The following TSNAXIP1 variants were observed in gnomAD, a reference collection of about 807,000 sequenced individuals.
TSNAXIP1 encodes translin associated factor X interacting protein 1, also known as translin-associated factor X-interacting protein 1.
In TSNAXIP1, 89 loss-of-function variants were observed where a neutral mutation model predicts 84.8. That is an observed-to-expected ratio of 1.05 (90% CI 0.88 to 1.25). The LOEUF (loss-of-function observed/expected upper bound fraction) is 1.25, where lower values mean the gene tolerates loss of function less well. Among genes scored for constraint, TSNAXIP1 ranks in the 50% most tolerant of loss-of-function variants. The pLI is 0.00. For synonymous variants in TSNAXIP1, 347 were observed against 335.2 expected (o/e 1.04, Z -0.39); for missense variants, 874 against 887.6 (o/e 0.98, Z 0.20).
chr16:67,814,960 T>G (rs1032620024), intron 2 of TSNAXIP1, among the ~76,000 whole-genome samples: 1 of 152,024 alleles, frequency 6.6e-6, no homozygotes. Context: ...TCCTCTTTTT[T>G]AAAGTTTGTA....
intron 2 of TSNAXIP1, among the ~76,000 whole-genome samples, chr16:67,815,377 G>GGGTGCAGT (rs1020755476): frequency 2.0e-5 from 3 of 150,570 alleles, no homozygotes; most frequent in South Asian, 4.2e-4. Context: ...TTGCCTGTCA[G>GGGTGCAGT]GGTGCAGTGG....
rs1162375778 is a variant in TSNAXIP1, at chr16:67,819,815, A to ATTTTTTTTTTTTT, written c.148-1014_148-1002dup. ...AGCACATGCCACCACACCTGGCTAA[A>ATTTTTTTTTTTTT]TTTTTTTTTTTTTTTTTTTTTTGAG... On this transcript the variant is annotated intron_variant, in intron 2 of 15. Coordinates refer to ENST00000561639, the MANE Select transcript of TSNAXIP1 (RefSeq NM_001288990.3). 2.7e-3 allele frequency among the ~76,000 whole-genome samples: 282 copies of ATTTTTTTTTTTTT among 102,606 alleles called. 13 individuals carry two copies. Among genetic ancestry groups the ATTTTTTTTTTTTT allele is most frequent in the African/African-American group, 4.9e-3 (116 of 23,816 alleles). The allele number at this position is 102,606 out of a possible 152,430, so 67.3% of individuals were successfully genotyped here. A position where few individuals can be genotyped will look rare whatever the true frequency, so the allele number is the denominator to read the frequency against.
intron 1 of TSNAXIP1, among the ~76,000 whole-genome samples, chr16:67,813,522 C>G (rs2151202018): frequency 6.6e-6 from 1 of 152,010 alleles, no homozygotes; most frequent in East Asian, 1.9e-4. Context: ...ATCATGAGGT[C>G]AGGAATTCAA....
chr16:67,816,408 C>A (rs1489354821), intron 2 of TSNAXIP1, among the ~76,000 whole-genome samples: 1 of 152,158 alleles, frequency 6.6e-6, no homozygotes, highest in Non-Finnish European at 1.5e-5. Flanking sequence ...CACAGTGGAA[C>A]AGCATGGGCT....
At chr16:67,816,621 G>C (rs571753417) in intron 2 of TSNAXIP1, among the ~76,000 whole-genome samples, 2 of 152,184 alleles carry the variant, frequency 1.3e-5, no homozygotes, top group South Asian at 4.1e-4. Flanking sequence ...TGAGGCTCCC[G>C]GGCACCCTTC....
At chr16:67,810,203 C>G (rs1161105854) in intron 1 of TSNAXIP1, among the ~76,000 whole-genome samples, 1 of 152,170 alleles carries the variant, frequency 6.6e-6, no homozygotes. Flanking sequence ...GGTTTCTCCT[C>G]CCTATCGGCT....
In TSNAXIP1 at chr16:67,826,208, G is replaced by A. The variant is rs750791558; in HGVS notation, c.1201G>A (p.Asp401Asn). ...GATGCTGGCTGAGGGCAAGAACAGCGACCAGCTGGTGGACGTGCTCCTGGA... is the reference window on the plus strand; with the variant it reads ...GATGCTGGCTGAGGGCAAGAACAGCAACCAGCTGGTGGACGTGCTCCTGGA... ...WQMLAEGKNS[D>N]QLVDVLLEEI... Residue 401 changes from aspartate (D) to asparagine (N), a missense_variant, in exon 10 of 16, where the codon GAC (aspartate) becomes AAC (asparagine). Asp to Asn is a conservative substitution (Grantham distance 23). Transcript: ENST00000561639. 3.7e-5 allele frequency: 60 copies of A among 1,609,092 alleles called. 1 individual carries two copies. Among genetic ancestry groups the A allele is most frequent in the South Asian group, 3.1e-4 (28 of 90,516 alleles).
Position 67,807,104 on chromosome 16 carries a change from C to A in TSNAXIP1, c.-46C>A, listed in dbSNP as rs1419493994. 1 of 1,532,188 alleles carries A rather than the reference C, an allele frequency of 6.5e-7. No individual in the cohort carries two copies. The highest frequency in any genetic ancestry group is 8.7e-7 in the Non-Finnish European group (1 of 1,145,498). 94.9% of individuals were successfully genotyped at this position (1,532,188 alleles called of 1,614,324 possible). ...CATGGCGACCGGCTGTACGCTACCA[C>A]AGCTTCCCAGGCCGCGGGTGCTGAT... On this transcript the variant is annotated 5_prime_UTR_variant, in exon 1 of 16. Coordinates refer to ENST00000561639, the MANE Select transcript of TSNAXIP1 (RefSeq NM_001288990.3).
chr16:67,819,780 T>C (rs1167165494), intron 2 of TSNAXIP1, among the ~76,000 whole-genome samples: 1 of 150,558 alleles, frequency 6.6e-6, no homozygotes, highest in African/African-American at 2.4e-5. Context: ...CCTGAGTAGC[T>C]GGGACTATAA....
chr16:67,825,254 T>A lies in TSNAXIP1; in HGVS notation c.796T>A (p.Ser266Thr), dbSNP rs768270359. The change falls in exon 7 of 16, where the codon TCA becomes ACA. Residue 266 changes from serine to threonine, a missense_variant. Coordinates refer to ENST00000561639, the MANE Select transcript of TSNAXIP1 (RefSeq NM_001288990.3). ...NELRYQREDM[S>T]LAQSPGIWGE... ...GCTGCGGTACCAGCGGGAGGACATG[T>A]CATTAGCCCAGTCGCCAGGTAAGCC... is the stretch of plus-strand genomic sequence containing the variant. 6.2e-7 allele frequency: 1 copy of A among 1,613,976 alleles called. No individual in the cohort carries two copies. Among genetic ancestry groups the A allele is most frequent in the Non-Finnish European group, 8.5e-7 (1 of 1,180,008 alleles).
rs777021288 is a variant in TSNAXIP1, at chr16:67,825,675, G to C, written c.823G>C (p.Gly275Arg). 1 of 1,611,984 alleles carries C rather than the reference G, an allele frequency of 6.2e-7. No individual in the cohort carries two copies. The highest frequency in any genetic ancestry group is 8.5e-7 in the Non-Finnish European group (1 of 1,178,424). ...MSLAQSPGIWGEDPVKLTLAL... is the reference protein window; with the variant it reads ...MSLAQSPGIWREDPVKLTLAL... ...GCCCCTTCCCCTGGCAGGCATCTGG[G>C]GGGAGGACCCTGTGAAGTTAACCCT... The change falls in exon 8 of 16, where the codon GGG (glycine) becomes CGG (arginine). Residue 275 changes from glycine to arginine, a missense_variant. Gly to Arg is a moderately radical substitution (Grantham distance 125, BLOSUM62 -2). Coordinates refer to ENST00000561639, the MANE Select transcript of TSNAXIP1 (RefSeq NM_001288990.3).
chr16:67,807,310 G>T (rs1180678335), intron 1 of TSNAXIP1, 114 bp downstream of exon 1: 2 of 1,534,408 alleles, frequency 1.3e-6, no homozygotes, highest in Non-Finnish European at 1.7e-6. Flanking sequence ...ATTGATCTAG[G>T]GCTCCAGCAC....
intron 5 of TSNAXIP1, 104 bp downstream of exon 5, chr16:67,823,823 C>T: frequency 2.2e-6 from 2 of 927,356 alleles, no homozygotes; most frequent in Non-Finnish European, 3.3e-6. Flanking sequence ...TTGAGACCAG[C>T]CTGGCCAACA....
chr16:67,817,688 T>C (rs1433591013), intron 2 of TSNAXIP1, among the ~76,000 whole-genome samples: 3 of 146,376 alleles, frequency 2.0e-5, no homozygotes, highest in Non-Finnish European at 4.5e-5. Context: ...GGTCAGGGGT[T>C]CAAGACCACC....
Position 67,828,005 on chromosome 16 carries a change from C to T in TSNAXIP1, c.*12C>T. The T allele has an allele frequency of 6.2e-7, 1 of 1,611,790 alleles. No individual in the cohort carries two copies. Among genetic ancestry groups the T allele is most frequent in the Non-Finnish European group, 8.5e-7 (1 of 1,179,300 alleles). On this transcript the variant is annotated 3_prime_UTR_variant, in exon 16 of 16. Coordinates refer to ENST00000561639, the MANE Select transcript of TSNAXIP1 (RefSeq NM_001288990.3). The stretch of plus-strand genomic sequence containing the variant: ...AGCCTGCAAGCTAGGAACTTGTGGG[C>T]AGCCTGCGTACTCCAGTCCTGCTAA...
Position 67,827,970 on chromosome 16 carries a change from C to T in TSNAXIP1, c.2116C>T (p.Arg706Ter), listed in dbSNP as rs375957094. Residue 706 changes from arginine (R) to a stop codon, truncating the protein, a stop_gained, in exon 16 of 16, where the codon CGA becomes TGA. Transcript: ENST00000561639. LOFTEE classifies it high-confidence loss of function. ...QVIDIRRVGP[R>*]EPEPAS is the part of the protein sequence containing the mutation. Reference sequence around the variant, plus strand: ...GATTGACATCAGGCGTGTGGGACCTCGAGAGCCAGAGCCTGCAAGCTAGGA... The same window carrying T: ...GATTGACATCAGGCGTGTGGGACCTTGAGAGCCAGAGCCTGCAAGCTAGGA... The T allele has an allele frequency of 2.1e-5, 34 of 1,613,236 alleles. No individual in the cohort carries two copies. The highest frequency in any genetic ancestry group is 2.5e-5 in the Non-Finnish European group (30 of 1,179,928).
In TSNAXIP1 at chr16:67,826,704, CCA is replaced by C; in HGVS notation, c.1415_1416del (p.Pro472ArgfsTer15). 1 of 1,613,664 alleles carries C rather than the reference CCA, an allele frequency of 6.2e-7. No individual in the cohort carries two copies. The highest frequency in any genetic ancestry group is 8.5e-7 in the Non-Finnish European group (1 of 1,179,834). On this transcript the variant is annotated frameshift_variant, in exon 12 of 16. Transcript: ENST00000561639. LOFTEE classifies it high-confidence loss of function. ...RLAEEQKETFPDFFFNFLEHR... is the reference protein window; with the variant it reads ...RLAEEQKETFXDFFFNFLEHR... ...CTCGATCCCGCAGAAAGAGACGTTC[CCA>C]GATTTCTTCTTCAATTTCCTGGAGC...
chr16:67,824,958 CAG>C (rs534024177), intron 6 of TSNAXIP1, among the ~76,000 whole-genome samples, 177 bp from the exon 7 acceptor site: 74 of 152,358 alleles, frequency 4.9e-4, no homozygotes, highest in African/African-American at 1.7e-3. Context: ...ACTTTCCCCA[CAG>C]GGGGAAACAT....
rs534366802 is a variant in TSNAXIP1 at position 67,817,634 on chromosome 16, G to C, written c.148-3205G>C. On this transcript the variant is annotated intron_variant, in intron 2 of 15. Coordinates refer to ENST00000561639, the MANE Select transcript of TSNAXIP1 (RefSeq NM_001288990.3). The stretch of plus-strand genomic sequence containing the variant: ...CGGCCGGGCGCGGTGGCTCACGCCT[G>C]TAATCCCAGCACTTTGGGAGGCCGA... Among the ~76,000 whole-genome samples, 519 of 148,704 alleles carry C rather than the reference G, an allele frequency of 3.5e-3. 5 individuals carry two copies. Among genetic ancestry groups the C allele is most frequent in the African/African-American group, 0.012 (506 of 40,902 alleles).
Sources: allele counts gnomAD v4.1 joint callset (sites outside exome capture counted in the v4.1 genomes callset), GRCh38; gene constraint gnomAD v4.1.1; transcripts MANE v1.5; gene names NCBI Gene and HGNC (gene_info 2026-07-23, HGNC 2026-07-21).